PMEPA1: variants seen among roughly 807,000 people sequenced by gnomAD.
PMEPA1 encodes protein TMEPAI.
PMEPA1 carries 11 observed loss-of-function variants against 23.0 expected under a neutral mutation model. That is an observed-to-expected ratio of 0.48 (90% CI 0.30 to 0.79). The LOEUF (loss-of-function observed/expected upper bound fraction) is 0.79. PMEPA1 is among the 30% of genes least tolerant of loss of function. PMEPA1 has a pLI of 0.06. For synonymous variants in PMEPA1, 204 were observed against 166.4 expected (o/e 1.23, Z -1.74); for missense variants, 377 against 390.9 (o/e 0.96, Z 0.30).
intron 1 of PMEPA1, among the ~76,000 whole-genome samples, chr20:57,691,365 C>T (rs556512067): frequency 9.2e-5 from 14 of 152,306 alleles, no homozygotes; most frequent in Admixed American, 7.2e-4. Context: ...AGAGGGGCTG[C>T]GCTAGGGGTT....
In PMEPA1 at chr20:57,650,823, G is replaced by T. The variant is rs2071215793; in HGVS notation, c.*1230C>A. The T allele has an allele frequency of 6.6e-6, 1 of 152,212 alleles. No individual in the cohort carries two copies. Among genetic ancestry groups the T allele is most frequent in the Non-Finnish European group, 1.5e-5 (1 of 68,038 alleles). 9.4% of individuals were successfully genotyped at this position (152,212 alleles called of 1,614,324 possible). ...CGTGAAGGGAAACAGACAGGAGGAGGTCAGATTGCGAATACCTGGGGCTTC... is the reference window on the plus strand; with the variant it reads ...CGTGAAGGGAAACAGACAGGAGGAGTTCAGATTGCGAATACCTGGGGCTTC... On this transcript the variant is annotated 3_prime_UTR_variant, in exon 4 of 4. Transcript: ENST00000341744.
In PMEPA1 at chr20:57,656,804, C is replaced by A. The variant is rs1368789187; in HGVS notation, c.264+2739G>T. Among the ~76,000 whole-genome samples the A allele has an allele frequency of 6.6e-6, 1 of 152,198 alleles. No homozygotes were observed. Among genetic ancestry groups the A allele is most frequent in the Non-Finnish European group, 1.5e-5 (1 of 68,032 alleles). On this transcript the variant is annotated intron_variant, in intron 2 of 3. Transcript: ENST00000341744. This position sits in a 1 kb window ranked among gnomAD's most constrained non-coding sequence, Gnocchi z 4.7. ...CCCCCAGGGTCACCCTGAAAAGGGG[C>A]CATGGTCGGATAGCCATGCCAGGGG...
chr20:57,649,072 G>A lies in PMEPA1; in HGVS notation c.*2981C>T, dbSNP rs2071186300. 6.6e-6 allele frequency: 1 copy of A among 152,122 alleles called. No individual in the cohort carries two copies. The highest frequency in any genetic ancestry group is 6.5e-5 in the Admixed American group (1 of 15,274). The allele number at this position is 152,122 out of a possible 1,614,324, so 9.4% of individuals were successfully genotyped here. On this transcript the variant is annotated 3_prime_UTR_variant, in exon 4 of 4. Transcript: ENST00000341744. ...CTGGAGGAAAGGTGGTGATTGACAG[G>A]CAGGGAGACAGTGACAAGGCTAGAG...
At chr20:57,690,769 G>A (rs1170090362) in intron 1 of PMEPA1, 1 of 313,126 alleles carries the variant, frequency 3.2e-6, no homozygotes, top group Non-Finnish European at 6.2e-6. Flanking sequence ...GGTGGAGCCT[G>A]GCCGTCTACT....
chr20:57,675,378 A>C (rs1469309037), intron 1 of PMEPA1, among the ~76,000 whole-genome samples: 1 of 152,174 alleles, frequency 6.6e-6, no homozygotes, highest in African/African-American at 2.4e-5. Flanking sequence ...ACCTCTTGGA[A>C]GCAGCAAAAG....
At position 57,650,402 on chromosome 20, in the gene PMEPA1, T is replaced by C. The variant is rs966675991; in HGVS notation, c.*1651A>G. 2.0e-5 allele frequency: 3 copies of C among 152,224 alleles called. No individual in the cohort carries two copies. Among genetic ancestry groups the C allele is most frequent in the Non-Finnish European group, 4.4e-5 (3 of 68,064 alleles). 9.4% of individuals were successfully genotyped at this position (152,224 alleles called of 1,614,324 possible). A position where few individuals can be genotyped will look rare whatever the true frequency, so the allele number is the denominator to read the frequency against. On this transcript the variant is annotated 3_prime_UTR_variant, in exon 4 of 4. Transcript: ENST00000341744. ...AGGAAAGACGTCAAGCTCCAGCCAC[T>C]GGCCCCGGTGGGTCCCAAAGCCCCA... is the stretch of plus-strand genomic sequence containing the variant.
rs561998857 is a variant in PMEPA1, at chr20:57,680,468, G to A, written c.110-20771C>T. Among the ~76,000 whole-genome samples the A allele has an allele frequency of 1.1e-4, 17 of 152,332 alleles. No individual in the cohort carries two copies. In the South Asian group the frequency reaches 1.4e-3, roughly 13 times the overall value. On this transcript the variant is annotated intron_variant, in intron 1 of 3. Coordinates refer to ENST00000341744, the MANE Select transcript of PMEPA1 (RefSeq NM_020182.5). ...AGTAGCTAAACATCCACCCTGCCAC[G>A]CACAGGGAAGTCCCCCACAGAAAAG... is the stretch of plus-strand genomic sequence containing the variant.
Position 57,709,455 on chromosome 20 carries a change from G to A in PMEPA1, c.109+19C>T. ...GAGCCCGATGGAGTCTCCGGGGAGG[G>A]GGGCGTGGGGTCACTCACTGATCTC... On this transcript the variant is annotated intron_variant, in intron 1 of 3. Transcript: ENST00000341744. 1 of 1,100,528 alleles carries A rather than the reference G, an allele frequency of 9.1e-7. No homozygotes were observed. Among genetic ancestry groups the A allele is most frequent in the Non-Finnish European group, 1.1e-6 (1 of 887,088 alleles). The allele number at this position is 1,100,528 out of a possible 1,614,324, so 68.2% of individuals were successfully genotyped here.
chr20:57,684,470 C>T (rs2071772427), intron 1 of PMEPA1, among the ~76,000 whole-genome samples: 1 of 152,166 alleles, frequency 6.6e-6, no homozygotes, highest in Non-Finnish European at 1.5e-5. Flanking sequence ...GAGAACCGCC[C>T]CCACCACCCA....
intron 1 of PMEPA1, among the ~76,000 whole-genome samples, chr20:57,701,991 T>C (rs2072017825): frequency 6.6e-6 from 1 of 152,114 alleles, no homozygotes; most frequent in Non-Finnish European, 1.5e-5. Flanking sequence ...AAGGCCAGGG[T>C]GCTCCTGGGC....
intron 2 of PMEPA1, among the ~76,000 whole-genome samples, chr20:57,654,041 G>C (rs968625835): frequency 6.6e-5 from 10 of 152,272 alleles, no homozygotes; most frequent in African/African-American, 2.4e-4. Context: ...CAAAGGAGGT[G>C]TGTGGTTCCA....
rs1195835839 is a variant in PMEPA1, at chr20:57,651,840, TTTTTTTC to T, written c.*206_*212del. Reference sequence around the variant, plus strand: ...CAGCTCAACAAAGAAACGTGGTTTTTTTTTTTCTTTTTTCTTTTTTTTTTTGCAAGCT... The same window carrying T: ...CAGCTCAACAAAGAAACGTGGTTTTTTTTTTTCTTTTTTTTTTTGCAAGCT... On this transcript the variant is annotated 3_prime_UTR_variant, in exon 4 of 4. Coordinates refer to ENST00000341744, the MANE Select transcript of PMEPA1 (RefSeq NM_020182.5). 86 of 363,258 alleles carry T rather than the reference TTTTTTTC, an allele frequency of 2.4e-4. No homozygotes were observed. The highest frequency in any genetic ancestry group is 1.3e-3 in the African/African-American group (57 of 45,510). 22.5% of individuals were successfully genotyped at this position (363,258 alleles called of 1,614,324 possible). A position where few individuals can be genotyped will look rare whatever the true frequency, so the allele number is the denominator to read the frequency against.
At chr20:57,664,847 G>A (rs746271841) in intron 1 of PMEPA1, among the ~76,000 whole-genome samples, 11 of 152,232 alleles carry the variant, frequency 7.2e-5, no homozygotes, top group Non-Finnish European at 1.3e-4. Flanking sequence ...CAGGGCAGGC[G>A]GCTTCAGGAC....
At chr20:57,707,024 C>T (rs544954334) in intron 1 of PMEPA1, among the ~76,000 whole-genome samples, 1 of 152,254 alleles carries the variant, frequency 6.6e-6, no homozygotes, top group East Asian at 1.9e-4. Flanking sequence ...CAGTGAGGCC[C>T]ATCATGGCTT....
chr20:57,683,554 C>A lies in PMEPA1; in HGVS notation c.110-23857G>T, dbSNP rs6099718. On this transcript the variant is annotated intron_variant, in intron 1 of 3. Coordinates refer to ENST00000341744, the MANE Select transcript of PMEPA1 (RefSeq NM_020182.5). This position sits in a 1 kb window ranked among gnomAD's most constrained non-coding sequence, Gnocchi z 4.3. ...CGGTGGTGGTGTTCTGGCCTGTGTGCGTGTGTGTGTGTGTGTGTGTGTGTG... is the reference window on the plus strand; with the variant it reads ...CGGTGGTGGTGTTCTGGCCTGTGTGAGTGTGTGTGTGTGTGTGTGTGTGTG... Among the ~76,000 whole-genome samples, 1 of 106,310 alleles carries A rather than the reference C, an allele frequency of 9.4e-6. No individual in the cohort carries two copies. 69.7% of individuals were successfully genotyped at this position (106,310 alleles called of 152,430 possible). A position where few individuals can be genotyped will look rare whatever the true frequency, so the allele number is the denominator to read the frequency against.
At chr20:57,654,608 T>C (rs963856007) in intron 2 of PMEPA1, among the ~76,000 whole-genome samples, 2 of 152,118 alleles carry the variant, frequency 1.3e-5, no homozygotes, top group South Asian at 4.1e-4. Context: ...TGACAGCTCC[T>C]CTCCCCACCA....
intron 1 of PMEPA1, among the ~76,000 whole-genome samples, chr20:57,671,151 T>C (rs532130031): frequency 2.6e-4 from 40 of 152,366 alleles, no homozygotes; most frequent in African/African-American, 9.4e-4. Context: ...GGGATTTTTG[T>C]TTCTATTGTC....
At chr20:57,702,798 C>T (rs140018867) in intron 1 of PMEPA1, among the ~76,000 whole-genome samples, 9 of 152,196 alleles carry the variant, frequency 5.9e-5, no homozygotes, top group Admixed American at 2.0e-4. Context: ...GAGAAAAATG[C>T]GTCACTAATA....
In PMEPA1 at chr20:57,656,579, C is replaced by T. The variant is rs6070206; in HGVS notation, c.264+2964G>A. On this transcript the variant is annotated intron_variant, in intron 2 of 3. Transcript: ENST00000341744. The surrounding 1 kb of genome is among the most constrained non-coding windows in gnomAD (Gnocchi z 4.7). The stretch of plus-strand genomic sequence containing the variant: ...CATGTCCCGAATACCCTCGGAGCAG[C>T]GCCAGGGTGGAAGTGCCATCCCTGG... 0.02 allele frequency among the ~76,000 whole-genome samples: 3,107 copies of T among 152,244 alleles called. 54 individuals are homozygous for T. Among genetic ancestry groups the T allele is most frequent in the Non-Finnish European group, 0.031 (2,133 of 68,016 alleles).
Sources: gnomAD v4.1 joint callset for allele counts (sites outside exome capture counted in the v4.1 genomes callset) on GRCh38, gnomAD v4.1.1 for gene constraint, Gnocchi (gnomAD v3.1) non-coding constraint, MANE v1.5 for transcripts, NCBI Gene and HGNC (gene_info 2026-07-23, HGNC 2026-07-21) for gene names.